Variants in RAB11FIP4 observed in about 807,000 individuals in gnomAD.
The protein encoded by RAB11FIP4 is rab11 family-interacting protein 4.
RAB11FIP4 carries 23 observed loss-of-function variants against 74.3 expected under a neutral mutation model. The ratio of observed to expected loss-of-function variants is 0.31; its 90% CI spans 0.22 to 0.44. RAB11FIP4 has a LOEUF of 0.44. Ranked by LOEUF, RAB11FIP4 falls within the 20% of genes least tolerant of loss-of-function variation. The pLI, the probability that RAB11FIP4 is intolerant of heterozygous loss-of-function variation, is 1.00. For synonymous variants in RAB11FIP4, 360 were observed against 359.9 expected (o/e 1.00, Z 0.00); for missense variants, 630 against 863.9 (o/e 0.73, Z 3.39).
intron 1 of RAB11FIP4, among the ~76,000 whole-genome samples, chr17:31,396,183 C>CAAAAA (rs55991343): frequency 1.2e-4 from 15 of 122,570 alleles, no homozygotes; most frequent in African/African-American, 4.3e-4. Context: ...GACCCTGCCA[C>CAAAAA]AAAAAAAAAA....
chr17:31,509,361 G>A (rs2072411821), intron 3 of RAB11FIP4: 1 of 152,114 alleles, frequency 6.6e-6, no homozygotes, highest in African/African-American at 2.4e-5. Context: ...GCCCACCTTA[G>A]GATGGAAGTG....
At chr17:31,456,424 C>A (rs1567662112) in intron 3 of RAB11FIP4, among the ~76,000 whole-genome samples, 1 of 152,186 alleles carries the variant, frequency 6.6e-6, no homozygotes, top group Non-Finnish European at 1.5e-5. Context: ...CCAGGCTTGT[C>A]TCGAACTCCT....
In RAB11FIP4 at chr17:31,423,360, CTTTG is replaced by C. The variant is rs1321557378; in HGVS notation, c.160-8445_160-8442del. On this transcript the variant is annotated intron_variant, in intron 1 of 14. Transcript: ENST00000621161. ...ATCCTCTGAAGAATGTCAGTTTTTT[CTTTG>C]TTTGTTTATTCGTTTGTTTTTGAGA... is the stretch of plus-strand genomic sequence containing the variant. Among the ~76,000 whole-genome samples, 3 of 152,052 alleles carry C rather than the reference CTTTG, an allele frequency of 2.0e-5. No individual in the cohort carries two copies. The East Asian group carries it at 5.8e-4, about 29-fold the overall frequency.
At chr17:31,464,857 C>G (rs904370895) in intron 3 of RAB11FIP4, among the ~76,000 whole-genome samples, 1 of 150,196 alleles carries the variant, frequency 6.7e-6, no homozygotes, top group Admixed American at 6.7e-5. Flanking sequence ...GCCTCCCAGG[C>G]TCAGGCAATA....
At chr17:31,478,662 G>A (rs780181581) in intron 3 of RAB11FIP4, among the ~76,000 whole-genome samples, 14 of 152,198 alleles carry the variant, frequency 9.2e-5, no homozygotes, top group Non-Finnish European at 1.8e-4. Flanking sequence ...ATACTGCTTA[G>A]CTTATCTGGT....
At chr17:31,523,201 C>A in intron 7 of RAB11FIP4, 1 of 408,778 alleles carries the variant, frequency 2.4e-6, no homozygotes, top group South Asian at 2.7e-5. Context: ...GGCTCACGTG[C>A]CAGCTGAGGT....
At chr17:31,447,604 C>A (rs2071479392) in intron 3 of RAB11FIP4, among the ~76,000 whole-genome samples, 2 of 152,140 alleles carry the variant, frequency 1.3e-5, no homozygotes, top group Admixed American at 1.3e-4. Context: ...CTCACTGCAA[C>A]CTCCGCCTCC....
chr17:31,505,544 TTA>T (rs1434343717), intron 3 of RAB11FIP4, among the ~76,000 whole-genome samples: 8 of 69,358 alleles, frequency 1.2e-4, no homozygotes, highest in African/African-American at 3.5e-4. Context: ...TTATTATATA[TTA>T]TATATAATAA....
rs949287955 is a variant in RAB11FIP4, at chr17:31,397,408, G to A, written c.159+5397G>A. On this transcript the variant is annotated intron_variant, in intron 1 of 14. Transcript: ENST00000621161. ...AGAATTGACAGGGGCCTGGAAGGCC[G>A]GCAAAGTCCCAACGAGCTACTCCCA... Among the ~76,000 whole-genome samples the A allele has an allele frequency of 6.6e-5, 10 of 152,300 alleles. No individual in the cohort carries two copies. The East Asian group carries it at 9.6e-4, about 15-fold the overall frequency.
intron 1 of RAB11FIP4, among the ~76,000 whole-genome samples, chr17:31,398,530 G>A (rs78040161): frequency 0.033 from 4,978 of 152,276 alleles, 303 homozygotes; most frequent in African/African-American, 0.11. Flanking sequence ...GACCTGAGTA[G>A]GGGGAAGAAT....
At chr17:31,485,027 C>G (rs2071887496) in intron 3 of RAB11FIP4, among the ~76,000 whole-genome samples, 1 of 152,252 alleles carries the variant, frequency 6.6e-6, no homozygotes, top group Admixed American at 6.5e-5. Flanking sequence ...CTGCAGCTCA[C>G]TCATGCTGCT....
intron 3 of RAB11FIP4, among the ~76,000 whole-genome samples, chr17:31,500,328 G>A (rs1296594350): frequency 6.6e-6 from 1 of 152,176 alleles, no homozygotes; most frequent in African/African-American, 2.4e-5. Flanking sequence ...CCTCTGAGCA[G>A]GGTGCCCACG....
intron 4 of RAB11FIP4, among the ~76,000 whole-genome samples, chr17:31,519,675 C>T (rs946779293): frequency 2.0e-5 from 3 of 152,290 alleles, no homozygotes; most frequent in South Asian, 4.1e-4. Context: ...AAATTGACAA[C>T]TTTTAATCAT....
intron 1 of RAB11FIP4, among the ~76,000 whole-genome samples, chr17:31,399,107 T>G (rs957637627): frequency 2.6e-5 from 4 of 151,844 alleles, no homozygotes; most frequent in African/African-American, 9.7e-5. Context: ...GAGGGCTCCT[T>G]CCCTTCCTGT....
chr17:31,482,285 A>AT (rs34828250), intron 3 of RAB11FIP4, among the ~76,000 whole-genome samples: 61,672 of 151,674 alleles, frequency 0.41, 12,975 homozygotes, highest in Middle Eastern at 0.49. Flanking sequence ...AGTCATTCCC[A>AT]TTTTTTTTCT....
Position 31,411,144 on chromosome 17 carries a change from C to T in RAB11FIP4, c.159+19133C>T, listed in dbSNP as rs983686108. 7.9e-5 allele frequency among the ~76,000 whole-genome samples: 12 copies of T among 152,082 alleles called. 1 individual carries two copies. Among genetic ancestry groups the T allele is most frequent in the Admixed American group, 4.6e-4 (7 of 15,258 alleles). On this transcript the variant is annotated intron_variant, in intron 1 of 14. Coordinates refer to ENST00000621161, the MANE Select transcript of RAB11FIP4 (RefSeq NM_032932.6). ...TTTGGGAGGCCGAGGCGGGTGGATTCCAAGGTCAACAGATCGAGACCATCC... is the reference window on the plus strand; with the variant it reads ...TTTGGGAGGCCGAGGCGGGTGGATTTCAAGGTCAACAGATCGAGACCATCC...
intron 7 of RAB11FIP4, 160 bp from the exon 8 acceptor site, chr17:31,523,352 G>A (rs559263187): frequency 2.1e-5 from 14 of 665,484 alleles, no homozygotes; most frequent in East Asian, 5.4e-5. Context: ...GGGGTGATCC[G>A]CTGAGTTTGG....
At chr17:31,419,410 C>A (rs1034228244) in intron 1 of RAB11FIP4, among the ~76,000 whole-genome samples, 3 of 151,434 alleles carry the variant, frequency 2.0e-5, no homozygotes, top group African/African-American at 7.3e-5. Flanking sequence ...AAATGTTGGG[C>A]CAGCTTTGCT....
chr17:31,392,169 G>C (rs563659708), intron 1 of RAB11FIP4, 158 bp downstream of exon 1: 21 of 556,158 alleles, frequency 3.8e-5, no homozygotes, highest in Non-Finnish European at 5.0e-5. Flanking sequence ...CCCCCCCCGG[G>C]TATCCCTGGC....
Sources: allele counts gnomAD v4.1 joint callset (sites outside exome capture counted in the v4.1 genomes callset), GRCh38; gene constraint gnomAD v4.1.1; transcripts MANE v1.5; gene names NCBI Gene and HGNC (gene_info 2026-07-23, HGNC 2026-07-21).